The following PCGF6 variants were observed in gnomAD, a reference collection of about 807,000 sequenced individuals.
PCGF6 encodes polycomb group ring finger 6.
Under a neutral mutation model 45.5 loss-of-function variants are expected in PCGF6, and 24 were observed. That is an observed-to-expected ratio of 0.53 (90% CI 0.38 to 0.74). The LOEUF is 0.74. PCGF6 is among the 30% of genes least tolerant of loss of function. PCGF6 has a pLI of 0.00. For synonymous variants in PCGF6, 152 were observed against 162.1 expected (o/e 0.94, Z 0.47); for missense variants, 356 against 443.2 (o/e 0.80, Z 1.77).
intron 9 of PCGF6, among the ~76,000 whole-genome samples, chr10:103,305,140 A>AT (rs35713672): frequency 6.7e-5 from 10 of 150,374 alleles, no homozygotes; most frequent in African/African-American, 1.2e-4. Context: ...CTACTTCAAA[A>AT]TTTTTTTTTT....
chr10:103,314,407 GAA>G, intron 8 of PCGF6, 135 bp from the exon 9 acceptor site: 2 of 525,268 alleles, frequency 3.8e-6, no homozygotes, highest in Non-Finnish European at 6.7e-6. Flanking sequence ...AAACGCTCTT[GAA>G]AAGAGAGTTT....
chr10:103,304,596 C>T (rs2093131122), intron 9 of PCGF6, among the ~76,000 whole-genome samples: 1 of 151,472 alleles, frequency 6.6e-6, no homozygotes, highest in South Asian at 2.1e-4. Flanking sequence ...CTGCCTCAGC[C>T]TCCCACAGTG....
rs1175369144 is a variant in PCGF6 at position 103,346,066 on chromosome 10, C to T, written c.674-934G>A. Among the ~76,000 whole-genome samples the T allele has an allele frequency of 6.0e-5, 9 of 150,196 alleles. No individual in the cohort carries two copies. The East Asian group carries it at 1.8e-3, about 30-fold the overall frequency. On this transcript the variant is annotated intron_variant, in intron 5 of 9. Transcript: ENST00000369847. ...AAAAAATTAGCTGGGTGTGGTGGCA[C>T]ATGCCTGTAATCCCAGCTACTCAGG... is the stretch of plus-strand genomic sequence containing the variant.
chr10:103,312,384 T>A (rs1592055834), intron 9 of PCGF6: 2 of 144,118 alleles, frequency 1.4e-5, no homozygotes. Context: ...AGAGCAAGAC[T>A]CCGTCTCAAA....
rs1376013415 is a variant in PCGF6, at chr10:103,339,824, C to A, written c.782+5200G>T. Among the ~76,000 whole-genome samples, 272 of 113,112 alleles carry A rather than the reference C, an allele frequency of 2.4e-3. 7 individuals carry two copies. The highest frequency in any genetic ancestry group is 2.9e-3 in the African/African-American group (90 of 31,228). The allele number at this position is 113,112 out of a possible 152,430, so 74.2% of individuals were successfully genotyped here. A position where few individuals can be genotyped will look rare whatever the true frequency, so the allele number is the denominator to read the frequency against. ...CTCAAAAAAAAAACACACACACACA[C>A]ACACACACACACACACACACACACA... On this transcript the variant is annotated intron_variant, in intron 6 of 9. Coordinates refer to ENST00000369847, the MANE Select transcript of PCGF6 (RefSeq NM_001011663.2).
intron 6 of PCGF6, among the ~76,000 whole-genome samples, chr10:103,338,799 C>A (rs1564732866): frequency 1.3e-5 from 2 of 150,878 alleles, no homozygotes; most frequent in African/African-American, 2.4e-5. Flanking sequence ...ACCCTAGAGG[C>A]AGAGGTAGCA....
chr10:103,339,822 C>A lies in PCGF6; in HGVS notation c.782+5202G>T, dbSNP rs1411497692. ...GTCTCAAAAAAAAAACACACACACA[C>A]ACACACACACACACACACACACACA... On this transcript the variant is annotated intron_variant, in intron 6 of 9. Coordinates refer to ENST00000369847, the MANE Select transcript of PCGF6 (RefSeq NM_001011663.2). Among the ~76,000 whole-genome samples, 311 of 91,992 alleles carry A rather than the reference C, an allele frequency of 3.4e-3. 4 individuals are homozygous for A. The highest frequency in any genetic ancestry group is 5.0e-3 in the African/African-American group (128 of 25,682). 60.4% of individuals were successfully genotyped at this position (91,992 alleles called of 152,430 possible).
chr10:103,309,292 G>A (rs2093148423), intron 9 of PCGF6, among the ~76,000 whole-genome samples: 1 of 152,144 alleles, frequency 6.6e-6, no homozygotes, highest in Non-Finnish European at 1.5e-5. Context: ...TGGAGGTGGG[G>A]CCTGGTGGGA....
At chr10:103,329,385 G>A (rs538058921) in intron 7 of PCGF6, among the ~76,000 whole-genome samples, 2 of 151,988 alleles carry the variant, frequency 1.3e-5, no homozygotes, top group South Asian at 4.2e-4. Flanking sequence ...GTTTTATAGG[G>A]CTGTCATTAC....
At chr10:103,320,414 C>T (rs1356951217) in intron 8 of PCGF6, among the ~76,000 whole-genome samples, 1 of 152,086 alleles carries the variant, frequency 6.6e-6, no homozygotes, top group African/African-American at 2.4e-5. Context: ...TGGCCGGGCG[C>T]GGTGGCTCAC....
chr10:103,350,710 C>T lies in PCGF6; in HGVS notation c.357G>A (p.Glu119=). ...EGGRQDSEDE[E]ERLINLSELT... The stretch of plus-strand genomic sequence containing the variant: ...GTCGCGCGGGGGCTCTAAATACCTC[C>T]TCCTCGTCCTCCGAGTCCTGCCGGC... The change falls in exon 1 of 10, where the codon GAG becomes GAA. Residue 119 remains glutamate, a synonymous_variant. Transcript: ENST00000369847. 1 of 1,518,158 alleles carries T rather than the reference C, an allele frequency of 6.6e-7. No homozygotes were observed. The highest frequency in any genetic ancestry group is 8.8e-7 in the Non-Finnish European group (1 of 1,130,552). 94.0% of individuals were successfully genotyped at this position (1,518,158 alleles called of 1,614,324 possible).
chr10:103,332,372 T>G (rs1213293062), intron 7 of PCGF6, among the ~76,000 whole-genome samples: 1 of 152,168 alleles, frequency 6.6e-6, no homozygotes, highest in African/African-American at 2.4e-5. Flanking sequence ...CTCAATCTCC[T>G]AGGCTCACGT....
intron 6 of PCGF6, among the ~76,000 whole-genome samples, chr10:103,339,810 AACACACACACACACAC>A (rs201660003): frequency 0.017 from 563 of 32,224 alleles, 10 homozygotes; most frequent in African/African-American, 0.045. Context: ...TCAAAAAAAA[AACACACACACACACAC>A]ACACACACAC....
In PCGF6 at chr10:103,349,019, G is replaced by T; in HGVS notation, c.361-20C>A. ...CAGGCGCTGCAAATAAACGGAAACA[G>T]TTTTAAAATACAAGTCCTTGCCTTT... On this transcript the variant is annotated intron_variant, in intron 1 of 9. Transcript: ENST00000369847. 6.4e-7 allele frequency: 1 copy of T among 1,566,222 alleles called. No individual in the cohort carries two copies.
intron 8 of PCGF6, among the ~76,000 whole-genome samples, chr10:103,320,201 T>C (rs542585477): frequency 2.6e-5 from 4 of 152,180 alleles, no homozygotes; most frequent in Non-Finnish European, 4.4e-5. Flanking sequence ...GTGAGGTGTA[T>C]GTTCTAAATT....
In PCGF6 at chr10:103,316,007, TATATATAGAGAGAG is replaced by T. The variant is rs1480613916; in HGVS notation, c.910-1749_910-1736del. ...GTGTGTGTGTGTGTATATATATATA[TATATATAGAGAGAG>T]AGAGAGAGAGAGAGAGAGAGAGATA... On this transcript the variant is annotated intron_variant, in intron 8 of 9. Coordinates refer to ENST00000369847, the MANE Select transcript of PCGF6 (RefSeq NM_001011663.2). 5.5e-4 allele frequency among the ~76,000 whole-genome samples: 70 copies of T among 128,090 alleles called. 1 individual carries two copies. The Admixed American group carries it at 5.5e-3, about 10-fold the overall frequency. The allele number at this position is 128,090 out of a possible 152,430, so 84.0% of individuals were successfully genotyped here.
chr10:103,346,469 C>T (rs1276826955), intron 5 of PCGF6, among the ~76,000 whole-genome samples: 5 of 151,666 alleles, frequency 3.3e-5, no homozygotes, highest in Non-Finnish European at 7.4e-5. Flanking sequence ...ACTAAAAATA[C>T]AAAAATTAGC....
intron 8 of PCGF6, among the ~76,000 whole-genome samples, chr10:103,323,187 A>T (rs916654372): frequency 6.6e-6 from 1 of 152,210 alleles, no homozygotes; most frequent in Non-Finnish European, 1.5e-5. Flanking sequence ...TTCAGCTGCC[A>T]TGAGATATAA....
At chr10:103,312,075 C>T (rs2093159250) in intron 9 of PCGF6, among the ~76,000 whole-genome samples, 1 of 109,284 alleles carries the variant, frequency 9.2e-6, no homozygotes, top group Non-Finnish European at 1.8e-5. Flanking sequence ...CAGAGCAAGA[C>T]TCTGTCTCCA....
Sources: allele counts gnomAD v4.1 joint callset (sites outside exome capture counted in the v4.1 genomes callset), GRCh38; gene constraint gnomAD v4.1.1; transcripts MANE v1.5; gene names NCBI Gene and HGNC (gene_info 2026-07-23, HGNC 2026-07-21).